Variants in SLC24A2 observed in about 807,000 individuals in gnomAD.
The protein encoded by SLC24A2 is solute carrier family 24 member 2.
In SLC24A2, 36 loss-of-function variants were observed where a neutral mutation model predicts 62.0. The ratio of observed to expected loss-of-function variants is 0.58; its 90% CI spans 0.44 to 0.77. The LOEUF is 0.77. SLC24A2 is among the 30% of genes least tolerant of loss of function. The probability of loss-of-function intolerance (pLI) is 0.00; values close to 1 mark genes in which losing one functional copy is unlikely to be tolerated. For missense variants in SLC24A2, 846 were observed against 817.9 expected (o/e 1.03, Z -0.42); for synonymous variants, 358 against 294.0 (o/e 1.22, Z -2.23).
At chr9:19,572,250 AGTCCGTCTC>A in intron 7 of SLC24A2, among the ~76,000 whole-genome samples, 1 of 103,514 alleles carries the variant, frequency 9.7e-6, no homozygotes, top group Non-Finnish European at 1.8e-5. Context: ...ACAGAGTGAG[AGTCCGTCTC>A]AAAAAAAAAA....
chr9:20,013,992 T>C, the SLC24A2 span, among the ~76,000 whole-genome samples: 8 of 152,262 alleles, frequency 5.3e-5, no homozygotes, highest in South Asian at 1.7e-3. Context: ...GAGAATCACT[T>C]GAGCTCAGGA....
At chr9:19,817,536 G>A in the SLC24A2 span, among the ~76,000 whole-genome samples, 1 of 151,262 alleles carries the variant, frequency 6.6e-6, no homozygotes, top group African/African-American at 2.4e-5. Flanking sequence ...ATATATTCAT[G>A]TATATTAATT....
At chr9:19,985,614 T>C in the SLC24A2 span, among the ~76,000 whole-genome samples, 1 of 152,142 alleles carries the variant, frequency 6.6e-6, no homozygotes, top group Non-Finnish European at 1.5e-5. Flanking sequence ...CAAGGGAATG[T>C]TTAATGAGTA....
the SLC24A2 span, among the ~76,000 whole-genome samples, chr9:20,252,376 C>T: frequency 6.6e-6 from 1 of 152,176 alleles, no homozygotes; most frequent in Non-Finnish European, 1.5e-5. Context: ...TCCCATTTCA[C>T]AGAAAAGGAA....
intron 2 of SLC24A2, among the ~76,000 whole-genome samples, chr9:19,775,026 C>T (rs1822804443): frequency 6.6e-6 from 1 of 152,122 alleles, no homozygotes; most frequent in Non-Finnish European, 1.5e-5. Flanking sequence ...AGTGCCTGGC[C>T]CAGGGTTACG....
the SLC24A2 span, among the ~76,000 whole-genome samples, chr9:19,879,096 C>CT: frequency 1.3e-5 from 2 of 152,110 alleles, no homozygotes; most frequent in Non-Finnish European, 2.9e-5. Context: ...TCCTCCTTGT[C>CT]TTTTTTTCTG....
At chr9:20,114,190 C>G in the SLC24A2 span, among the ~76,000 whole-genome samples, 7 of 152,092 alleles carry the variant, frequency 4.6e-5, no homozygotes, top group Non-Finnish European at 7.3e-5. Flanking sequence ...TTTCCACTCC[C>G]AAATAGCACG....
intron 4 of SLC24A2, among the ~76,000 whole-genome samples, chr9:19,615,147 A>C (rs530539728): frequency 3.3e-5 from 5 of 152,282 alleles, no homozygotes; most frequent in Non-Finnish European, 5.9e-5. Context: ...GAAGACAACA[A>C]CACCTGAGTG....
At chr9:20,168,518 T>G in the SLC24A2 span, among the ~76,000 whole-genome samples, 3 of 151,940 alleles carry the variant, frequency 2.0e-5, no homozygotes, top group South Asian at 6.2e-4. Flanking sequence ...AAAAAGGAAG[T>G]AATCCAATTC....
chr9:19,772,538 C>T (rs1233301779), intron 2 of SLC24A2, among the ~76,000 whole-genome samples: 1 of 151,934 alleles, frequency 6.6e-6, no homozygotes, highest in African/African-American at 2.4e-5. Flanking sequence ...GGCAAATAGC[C>T]CAATTTAAAA....
the SLC24A2 span, among the ~76,000 whole-genome samples, chr9:20,080,203 A>C: frequency 6.6e-6 from 1 of 152,254 alleles, no homozygotes; most frequent in East Asian, 1.9e-4. Context: ...AGCTGGAGGC[A>C]TCAGGCTACC....
chr9:19,985,031 C>T, the SLC24A2 span, among the ~76,000 whole-genome samples: 1 of 148,318 alleles, frequency 6.7e-6, no homozygotes, highest in African/African-American at 2.5e-5. Context: ...AAAAAAAAGA[C>T]ATCAATGCAC....
the SLC24A2 span, among the ~76,000 whole-genome samples, chr9:20,051,657 CTTTT>C: frequency 9.5e-5 from 7 of 73,510 alleles, no homozygotes; most frequent in Admixed American, 8.0e-4. Flanking sequence ...TTTTCTTTCT[CTTTT>C]TTTTTTTTTT....
chr9:19,753,978 C>T (rs1347765250), intron 2 of SLC24A2, among the ~76,000 whole-genome samples: 1 of 151,962 alleles, frequency 6.6e-6, no homozygotes, highest in Non-Finnish European at 1.5e-5. Context: ...TTTTTAGCAG[C>T]AAAGGTATGA....
At chr9:19,706,944 T>G (rs919816274) in intron 2 of SLC24A2, among the ~76,000 whole-genome samples, 8 of 151,476 alleles carry the variant, frequency 5.3e-5, no homozygotes, top group African/African-American at 1.9e-4. Flanking sequence ...AAAAAACCCT[T>G]CAAAAAATTA....
At chr9:19,663,396 T>C (rs959301149) in intron 2 of SLC24A2, among the ~76,000 whole-genome samples, 1 of 152,186 alleles carries the variant, frequency 6.6e-6, no homozygotes, top group Non-Finnish European at 1.5e-5. Context: ...ATACAGATCA[T>C]GGGAGAGAGC....
chr9:19,744,140 C>T (rs568617341), intron 2 of SLC24A2, among the ~76,000 whole-genome samples: 1 of 152,228 alleles, frequency 6.6e-6, no homozygotes, highest in Admixed American at 6.5e-5. Context: ...CTCTTATTTT[C>T]CCTAGGACCT....
chr9:19,932,056 C>T, the SLC24A2 span, among the ~76,000 whole-genome samples: 2 of 152,122 alleles, frequency 1.3e-5, no homozygotes, highest in African/African-American at 2.4e-5. Context: ...CTCATGTATT[C>T]GCATACCACA....
chr9:20,143,078 A>T, the SLC24A2 span, among the ~76,000 whole-genome samples: 498 of 152,342 alleles, frequency 3.3e-3, 1 homozygote, highest in African/African-American at 0.011. Flanking sequence ...CAGAGTCTGC[A>T]TTCAAATGTA....
Sources: gnomAD v4.1 joint callset for allele counts (sites outside exome capture counted in the v4.1 genomes callset) on GRCh38, gnomAD v4.1.1 for gene constraint, MANE v1.5 for transcripts, NCBI Gene and HGNC (gene_info 2026-07-23, HGNC 2026-07-21) for gene names.